The following NLRP5 variants were observed in gnomAD, a reference collection of about 807,000 sequenced individuals.
NLRP5 encodes NACHT, LRR and PYD domains-containing protein 5.
NLRP5 carries 93 observed loss-of-function variants against 113.1 expected under a neutral mutation model. The ratio of observed to expected loss-of-function variants is 0.82; its 90% CI spans 0.70 to 0.98. The LOEUF is 0.98. NLRP5 is among the 50% of genes least tolerant of loss of function. The pLI, the probability that NLRP5 is intolerant of heterozygous loss-of-function variation, is 0.00. For synonymous variants in NLRP5, 751 were observed against 600.7 expected (o/e 1.25, Z -3.66); for missense variants, 1,808 against 1,514.3 (o/e 1.19, Z -3.22).
At chr19:56,005,582 C>T (rs1029870250) in intron 2 of NLRP5, among the ~76,000 whole-genome samples, 4 of 136,818 alleles carry the variant, frequency 2.9e-5, no homozygotes, top group South Asian at 2.4e-4. Context: ...TATACACACA[C>T]GCACACACGC....
chr19:56,034,954 T>G (rs899252101), intron 9 of NLRP5, among the ~76,000 whole-genome samples: 1 of 152,216 alleles, frequency 6.6e-6, no homozygotes, highest in Non-Finnish European at 1.5e-5. Context: ...TTTTCTTTTC[T>G]TTTTGACTGA....
chr19:56,011,030 T>C (rs1319975961), intron 3 of NLRP5, among the ~76,000 whole-genome samples: 3 of 151,838 alleles, frequency 2.0e-5, no homozygotes. Flanking sequence ...TGTGCACGTA[T>C]AGTCCCAGCT....
chr19:56,012,807 T>TACACTTCTG lies in NLRP5; in HGVS notation c.509-2933_509-2925dup, dbSNP rs141282586. 3.3e-5 allele frequency among the ~76,000 whole-genome samples: 5 copies of TACACTTCTG among 152,356 alleles called. No homozygotes were observed. The East Asian group carries it at 9.6e-4, about 29-fold the overall frequency. On this transcript the variant is annotated intron_variant, in intron 3 of 14. Coordinates refer to ENST00000390649, the MANE Select transcript of NLRP5 (RefSeq NM_153447.4). ...TATAAGCACCATTACATACCTTTGA[T>TACACTTCTG]ACACTTCTGATACAGTTTGCTGATA... is the stretch of plus-strand genomic sequence containing the variant.
intron 11 of NLRP5, among the ~76,000 whole-genome samples, chr19:56,043,542 C>A (rs199891669): frequency 1.1e-5 from 1 of 92,920 alleles, no homozygotes; most frequent in African/African-American, 5.3e-5. Context: ...CTCTGCTATT[C>A]TTTTTTTTTT....
intron 2 of NLRP5, among the ~76,000 whole-genome samples, chr19:56,007,761 G>T (rs1981980112): frequency 1.4e-5 from 2 of 145,574 alleles, no homozygotes; most frequent in Admixed American, 6.7e-5. Context: ...AGGGAGACGA[G>T]TTTGAGGTCT....
At chr19:56,047,979 C>G (rs1198729519) in intron 11 of NLRP5, among the ~76,000 whole-genome samples, 1 of 152,086 alleles carries the variant, frequency 6.6e-6, no homozygotes, top group Admixed American at 6.5e-5. Flanking sequence ...TATAATGTCC[C>G]TTTTTGTCTC....
chr19:56,022,458 G>A (rs1982652138), intron 6 of NLRP5, among the ~76,000 whole-genome samples: 1 of 152,048 alleles, frequency 6.6e-6, no homozygotes, highest in African/African-American at 2.4e-5. Context: ...TGAACTCCTG[G>A]CCTCAAGTGA....
chr19:56,026,205 G>C (rs989906134), intron 6 of NLRP5, among the ~76,000 whole-genome samples: 2 of 152,044 alleles, frequency 1.3e-5, no homozygotes, highest in Admixed American at 1.3e-4. Context: ...TCGGTCCAGG[G>C]TTTCTGTGAG....
At chr19:56,047,919 G>T (rs1416289335) in intron 11 of NLRP5, among the ~76,000 whole-genome samples, 2 of 152,150 alleles carry the variant, frequency 1.3e-5, no homozygotes, top group Non-Finnish European at 2.9e-5. Flanking sequence ...TTAGGCACAT[G>T]TATGTTTAGA....
At chr19:56,020,095 G>A (rs1982559638) in intron 5 of NLRP5, among the ~76,000 whole-genome samples, 1 of 151,844 alleles carries the variant, frequency 6.6e-6, no homozygotes, top group Non-Finnish European at 1.5e-5. Context: ...GCCTCCCAAA[G>A]TGCTGGGATT....
intron 14 of NLRP5, among the ~76,000 whole-genome samples, chr19:56,059,444 G>A (rs1984273522): frequency 6.6e-6 from 1 of 152,214 alleles, no homozygotes; most frequent in African/African-American, 2.4e-5. Context: ...AAGGAACACA[G>A]TTGTACTTGA....
chr19:56,017,939 T>G (rs73934625), intron 4 of NLRP5, among the ~76,000 whole-genome samples: 5,237 of 152,312 alleles, frequency 0.034, 306 homozygotes, highest in African/African-American at 0.12. Context: ...TTGACTTCCT[T>G]AGTAGCTGTA....
intron 3 of NLRP5, among the ~76,000 whole-genome samples, chr19:56,014,262 C>G (rs1187255895): frequency 6.6e-6 from 1 of 152,010 alleles, no homozygotes; most frequent in East Asian, 1.9e-4. Flanking sequence ...CGGTGGATCA[C>G]AAGATCAGGA....
chr19:56,041,830 T>A (rs1182864243), intron 11 of NLRP5, among the ~76,000 whole-genome samples: 20 of 151,958 alleles, frequency 1.3e-4, no homozygotes, highest in Non-Finnish European at 2.9e-5. Flanking sequence ...ATACCTGTAA[T>A]CCCAGCGACT....
chr19:56,035,678 G>A (rs940222498), intron 9 of NLRP5, among the ~76,000 whole-genome samples: 8 of 152,128 alleles, frequency 5.3e-5, no homozygotes, highest in African/African-American at 1.9e-4. Context: ...TAACTCACAG[G>A]GGCAGGAGTA....
At chr19:55,994,415 G>A in the NLRP5 span, among the ~76,000 whole-genome samples, 4 of 149,544 alleles carry the variant, frequency 2.7e-5, no homozygotes, top group African/African-American at 1.0e-4. Flanking sequence ...TTTTTGGGAG[G>A]GGGGACAGAG....
rs1011984538 is a variant in NLRP5, at chr19:56,028,043, G to A, written c.1810G>A (p.Glu604Lys). Residue 604 changes from glutamate to lysine, a missense_variant, in exon 7 of 15, where the codon GAG becomes AAG. Physicochemically the swap from Glu to Lys is moderately conservative, Grantham distance 56 (BLOSUM62 1). Coordinates refer to ENST00000390649, the MANE Select transcript of NLRP5 (RefSeq NM_153447.4). ...CTACGTGTTAGAGGGCCTGGAAATCGAGCCAGCTCTCTGCCCTCTGTACGT... is the reference window on the plus strand; with the variant it reads ...CTACGTGTTAGAGGGCCTGGAAATCAAGCCAGCTCTCTGCCCTCTGTACGT... 9 of 1,613,860 alleles carry A rather than the reference G, an allele frequency of 5.6e-6. No homozygotes were observed. Among genetic ancestry groups the A allele is most frequent in the East Asian group, 2.2e-5 (1 of 44,904 alleles).
chr19:56,027,639 A>G lies in NLRP5; in HGVS notation c.1406A>G (p.Gln469Arg). The change falls in exon 7 of 15, where the codon CAG becomes CGG. Residue 469 changes from glutamine to arginine, a missense_variant. Physicochemically the swap from Gln to Arg is conservative, Grantham distance 43. Transcript: ENST00000390649. ...AACCGTGAGCTGCTCGACCAGTGCC[A>G]GGTGCCCGCCGTGGGCTCTCTCATC... The G allele has an allele frequency of 1.9e-6, 3 of 1,613,524 alleles. No homozygotes were observed. The highest frequency in any genetic ancestry group is 2.5e-6 in the Non-Finnish European group (3 of 1,179,886).
At chr19:56,005,093 CAA>C (rs1163132309) in intron 2 of NLRP5, among the ~76,000 whole-genome samples, 3,026 of 76,364 alleles carry the variant, frequency 0.04, 57 homozygotes, top group Middle Eastern at 0.083. Context: ...GACTGTGTCT[CAA>C]AAAAAAAAAA....
Sources: gnomAD v4.1 joint callset for allele counts (sites outside exome capture counted in the v4.1 genomes callset) on GRCh38, gnomAD v4.1.1 for gene constraint, MANE v1.5 for transcripts, NCBI Gene and HGNC (gene_info 2026-07-23, HGNC 2026-07-21) for gene names.